The following ADGRL2 variants were observed in gnomAD, a reference collection of about 807,000 sequenced individuals.
ADGRL2 encodes adhesion G protein-coupled receptor L2.
ADGRL2 carries 44 observed loss-of-function variants against 157.4 expected under a neutral mutation model. That is an observed-to-expected ratio of 0.28 (90% CI 0.22 to 0.36). The LOEUF (loss-of-function observed/expected upper bound fraction) is 0.36, where lower values mean the gene tolerates loss of function less well. ADGRL2 is among the 10% of genes least tolerant of loss of function. The pLI, the probability that ADGRL2 is intolerant of heterozygous loss-of-function variation, is 1.00. For synonymous variants in ADGRL2, 585 were observed against 624.7 expected, an observed-to-expected ratio of 0.94 and a Z score of 0.95; for missense variants, 1,510 against 1,768.9, an observed-to-expected ratio of 0.85 and a Z score of 2.63.
chr1:81,871,432 TCC>T (rs2093691693), intron 2 of ADGRL2, among the ~76,000 whole-genome samples: 2 of 152,324 alleles, frequency 1.3e-5, no homozygotes, highest in East Asian at 3.9e-4. Flanking sequence ...TGATTTATAA[TCC>T]TTTGGGTGTA....
chr1:81,351,435 A>G (rs891174752), intron 1 of ADGRL2, among the ~76,000 whole-genome samples: 1 of 152,156 alleles, frequency 6.6e-6, no homozygotes, highest in African/African-American at 2.4e-5. Context: ...ATCCAATTTG[A>G]TTCTAGAATC....
At chr1:81,823,195 C>A (rs1289853778) in intron 1 of ADGRL2, among the ~76,000 whole-genome samples, 1 of 151,710 alleles carries the variant, frequency 6.6e-6, no homozygotes, top group Non-Finnish European at 1.5e-5. Flanking sequence ...TTAAAAAATT[C>A]TGTTTCACAC....
intron 1 of ADGRL2, among the ~76,000 whole-genome samples, chr1:81,325,522 A>G (rs1261713051): frequency 6.6e-6 from 1 of 152,198 alleles, no homozygotes; most frequent in Non-Finnish European, 1.5e-5. Context: ...TTTCTACCAG[A>G]AGGGCAATTG....
At chr1:81,626,598 A>G (rs997633350) in intron 3 of ADGRL2, among the ~76,000 whole-genome samples, 7 of 152,230 alleles carry the variant, frequency 4.6e-5, no homozygotes, top group African/African-American at 7.2e-5. Flanking sequence ...CACATAAGCT[A>G]TAAAACAGGA....
chr1:81,388,993 G>A (rs1300748023), intron 1 of ADGRL2, among the ~76,000 whole-genome samples: 18 of 152,024 alleles, frequency 1.2e-4, no homozygotes, highest in Admixed American at 1.2e-3. Flanking sequence ...ACCATAGCTA[G>A]AATCTGACAG....
chr1:81,931,951 T>G (rs556418398), intron 3 of ADGRL2, among the ~76,000 whole-genome samples: 1 of 152,326 alleles, frequency 6.6e-6, no homozygotes, highest in East Asian at 1.9e-4. Context: ...CGAAATTGTT[T>G]AGACATTATT....
chr1:81,865,811 A>G (rs1011994915), intron 2 of ADGRL2, among the ~76,000 whole-genome samples: 2 of 152,342 alleles, frequency 1.3e-5, no homozygotes, highest in Middle Eastern at 3.4e-3. Context: ...AATGTTCTGC[A>G]TAATTGTGAC....
intron 2 of ADGRL2, among the ~76,000 whole-genome samples, chr1:81,845,796 A>G (rs2092765015): frequency 6.6e-6 from 1 of 151,918 alleles, no homozygotes. Flanking sequence ...AAAACTTCAA[A>G]TAGAAGAGAG....
chr1:81,356,146 C>T (rs564685511), intron 1 of ADGRL2, among the ~76,000 whole-genome samples: 2 of 152,278 alleles, frequency 1.3e-5, no homozygotes, highest in East Asian at 1.9e-4. Flanking sequence ...TACTCTCACT[C>T]CCACCTCTAA....
At chr1:81,526,731 G>A (rs1315882209) in intron 2 of ADGRL2, among the ~76,000 whole-genome samples, 3 of 152,086 alleles carry the variant, frequency 2.0e-5, no homozygotes, top group African/African-American at 7.2e-5. Flanking sequence ...TGCCTACCTT[G>A]CTATTACCTG....
chr1:81,946,647 C>A (rs1000370062), intron 6 of ADGRL2, among the ~76,000 whole-genome samples: 3 of 152,034 alleles, frequency 2.0e-5, no homozygotes, highest in Admixed American at 1.3e-4. Flanking sequence ...TGATACACTT[C>A]TGTAATACCA....
At chr1:81,601,552 A>C (rs982500829) in intron 3 of ADGRL2, among the ~76,000 whole-genome samples, 1 of 152,206 alleles carries the variant, frequency 6.6e-6, no homozygotes, top group Non-Finnish European at 1.5e-5. Flanking sequence ...TCCTTGTGGA[A>C]AGATAGCCTG....
intron 1 of ADGRL2, among the ~76,000 whole-genome samples, chr1:81,751,601 G>T (rs1168692338): frequency 6.6e-6 from 1 of 152,170 alleles, no homozygotes; most frequent in Non-Finnish European, 1.5e-5. Context: ...TTTAATGCTT[G>T]ATTGTGGACT....
chr1:81,925,829 A>G (rs1201028864), intron 3 of ADGRL2, among the ~76,000 whole-genome samples: 4 of 152,064 alleles, frequency 2.6e-5, no homozygotes, highest in Non-Finnish European at 4.4e-5. Flanking sequence ...TTGTATATTC[A>G]GAGATTTATA....
intron 1 of ADGRL2, among the ~76,000 whole-genome samples, chr1:81,313,707 C>G (rs1434228948): frequency 6.6e-6 from 1 of 152,030 alleles, no homozygotes; most frequent in African/African-American, 2.4e-5. Flanking sequence ...GAGGAGAGCA[C>G]AGAGCACATG....
At chr1:81,954,697 C>T (rs750640640) in intron 10 of ADGRL2, among the ~76,000 whole-genome samples, 6 of 152,140 alleles carry the variant, frequency 3.9e-5, no homozygotes, top group Non-Finnish European at 5.9e-5. Flanking sequence ...AAGCCTTTAA[C>T]GCCACTTGGA....
chr1:81,543,166 T>C (rs1432083186), intron 2 of ADGRL2, among the ~76,000 whole-genome samples: 2 of 152,146 alleles, frequency 1.3e-5, no homozygotes. Flanking sequence ...TCTGAATGTT[T>C]GTGTCTCCCC....
At chr1:81,988,065 T>G (rs1663698988) in intron 23 of ADGRL2, among the ~76,000 whole-genome samples, 179 bp downstream of exon 23, 1 of 152,156 alleles carries the variant, frequency 6.6e-6, no homozygotes, top group African/African-American at 2.4e-5. Flanking sequence ...CTGCCTTTTG[T>G]CAGTAATGGA....
intron 1 of ADGRL2, among the ~76,000 whole-genome samples, chr1:81,832,590 G>A (rs992714972): frequency 2.0e-5 from 3 of 152,216 alleles, no homozygotes; most frequent in African/African-American, 7.2e-5. Flanking sequence ...ATATTAAGGG[G>A]ACTTCTGTAT....
Sources: gnomAD v4.1 joint callset for allele counts (sites outside exome capture counted in the v4.1 genomes callset) on GRCh38, gnomAD v4.1.1 for gene constraint, MANE v1.5 for transcripts, NCBI Gene and HGNC (gene_info 2026-07-23, HGNC 2026-07-21) for gene names.